The following TNRC6B variants were observed in gnomAD, a reference collection of about 807,000 sequenced individuals.
TNRC6B encodes the protein trinucleotide repeat containing adaptor 6B.
In TNRC6B, 52 loss-of-function variants were observed where a neutral mutation model predicts 203.6. The observed-to-expected ratio is 0.26, with a 90% confidence interval of 0.20 to 0.32. The LOEUF is 0.32. Ranked by LOEUF, TNRC6B falls within the 10% of genes least tolerant of loss-of-function variation. TNRC6B has a pLI of 1.00. For synonymous variants in TNRC6B, 838 were observed against 845.7 expected (o/e 0.99, Z 0.16); for missense variants, 1,923 against 2,286.2 (o/e 0.84, Z 3.24).
intron 3 of TNRC6B, among the ~76,000 whole-genome samples, chr22:40,143,580 C>T (rs2068663091): frequency 6.6e-6 from 1 of 152,196 alleles, no homozygotes; most frequent in Non-Finnish European, 1.5e-5. Flanking sequence ...AGCTCCACCT[C>T]CCGGGTTCAC....
intron 1 of TNRC6B, among the ~76,000 whole-genome samples, chr22:40,071,262 C>T (rs1317657339): frequency 6.6e-6 from 1 of 152,208 alleles, no homozygotes; most frequent in Non-Finnish European, 1.5e-5. Flanking sequence ...CTAGATACTT[C>T]CTACTCCTTG....
chr22:40,301,568 A>G, intron 15 of TNRC6B: 1 of 542,440 alleles, frequency 1.8e-6, no homozygotes, highest in Non-Finnish European at 3.2e-6. Flanking sequence ...CTGGCTCCAA[A>G]GCAGTCTTCC....
chr22:40,132,344 TGACA>T (rs1568992605), intron 3 of TNRC6B, among the ~76,000 whole-genome samples: 1 of 138,552 alleles, frequency 7.2e-6, no homozygotes. Context: ...CCAGCCTGGG[TGACA>T]GTGTGAAACT....
At chr22:40,090,624 C>A (rs1460045321) in intron 1 of TNRC6B, among the ~76,000 whole-genome samples, 1 of 152,086 alleles carries the variant, frequency 6.6e-6, no homozygotes, top group Non-Finnish European at 1.5e-5. Flanking sequence ...TTCTCCCAGT[C>A]TTTGACTTAT....
chr22:40,267,177 CT>C, intron 5 of TNRC6B, 141 bp downstream of exon 5: 1 of 861,478 alleles, frequency 1.2e-6, no homozygotes, highest in Non-Finnish European at 1.7e-6. Context: ...AACAGAACCT[CT>C]TTTTATGAAA....
At chr22:40,111,045 C>T (rs1257353859) in intron 1 of TNRC6B, among the ~76,000 whole-genome samples, 1 of 152,182 alleles carries the variant, frequency 6.6e-6, no homozygotes, top group Non-Finnish European at 1.5e-5. Context: ...AGTGTGTGTT[C>T]TGAGTGCAGT....
chr22:40,091,109 A>G (rs1569257095), intron 1 of TNRC6B, among the ~76,000 whole-genome samples: 1 of 151,906 alleles, frequency 6.6e-6, no homozygotes, highest in Non-Finnish European at 1.5e-5. Flanking sequence ...AGCCTCCTGA[A>G]TAGCTGGGAC....
intron 1 of TNRC6B, among the ~76,000 whole-genome samples, chr22:40,187,804 G>T (rs1601868948): frequency 6.6e-6 from 1 of 152,130 alleles, no homozygotes; most frequent in South Asian, 2.1e-4. Context: ...ACTAAATATG[G>T]GTGGGTTTTT....
chr22:40,236,757 T>A (rs2069953261), intron 1 of TNRC6B, among the ~76,000 whole-genome samples: 1 of 152,160 alleles, frequency 6.6e-6, no homozygotes, highest in African/African-American at 2.4e-5. Flanking sequence ...AGGTGGAGAT[T>A]AATATGTTCA....
chr22:40,172,663 T>A (rs765873239), intron 4 of TNRC6B, among the ~76,000 whole-genome samples: 2 of 152,258 alleles, frequency 1.3e-5, no homozygotes, highest in African/African-American at 2.4e-5. Flanking sequence ...TAAATTCATA[T>A]CAAGAATATG....
intron 1 of TNRC6B, among the ~76,000 whole-genome samples, chr22:40,242,300 C>T (rs1444713963): frequency 1.3e-5 from 2 of 152,086 alleles, no homozygotes; most frequent in Admixed American, 1.3e-4. Flanking sequence ...ATATTGGAAA[C>T]CATGAGTTCA....
At chr22:40,300,682 T>G in intron 13 of TNRC6B, 96 bp downstream of exon 13, 1 of 1,466,964 alleles carries the variant, frequency 6.8e-7, no homozygotes. Flanking sequence ...CCACTTTCTA[T>G]GTTCAAAGGG....
Position 40,334,558 on chromosome 22 carries a change from G to C in TNRC6B, c.*11317G>C, listed in dbSNP as rs1488061083. On this transcript the variant is annotated 3_prime_UTR_variant, in exon 23 of 23. Transcript: ENST00000454349. Reference sequence around the variant, plus strand: ...AGACAACAAAAGCAACCTGAGGAGAGGTTTCTGGACTATTTTATCTGTCTC... The same window carrying C: ...AGACAACAAAAGCAACCTGAGGAGACGTTTCTGGACTATTTTATCTGTCTC... 1 of 152,534 alleles carries C rather than the reference G, an allele frequency of 6.6e-6. No homozygotes were observed. Among genetic ancestry groups the C allele is most frequent in the African/African-American group, 2.4e-5 (1 of 41,384 alleles). 9.4% of individuals were successfully genotyped at this position (152,534 alleles called of 1,614,324 possible). A position where few individuals can be genotyped will look rare whatever the true frequency, so the allele number is the denominator to read the frequency against.
intron 1 of TNRC6B, among the ~76,000 whole-genome samples, chr22:40,082,159 A>G (rs888615369): frequency 2.0e-5 from 3 of 152,210 alleles, no homozygotes; most frequent in African/African-American, 4.8e-5. Flanking sequence ...ACTTTTGTAT[A>G]TGTTAGTAAA....
chr22:40,068,424 T>C (rs2067915942), intron 1 of TNRC6B, among the ~76,000 whole-genome samples: 2 of 152,212 alleles, frequency 1.3e-5, no homozygotes, highest in South Asian at 2.1e-4. Flanking sequence ...TTCAGGTGAT[T>C]GTCCTGCCTC....
rs2071243515 is a variant in TNRC6B at position 40,315,351 on chromosome 22, A to G, written c.4747A>G (p.Asn1583Asp). The G allele has an allele frequency of 1.2e-6, 2 of 1,613,818 alleles. No individual in the cohort carries two copies. The highest frequency in any genetic ancestry group is 1.3e-5 in the African/African-American group (1 of 74,872). Reference protein sequence around the residue: ...PIGHNPTHLSNKMWKNHISSR... With the variant: ...PIGHNPTHLSDKMWKNHISSR... The stretch of plus-strand genomic sequence containing the variant: ...AGGACACAACCCCACTCATCTCTCC[A>G]ACAAGATGTGGAAAAACCATATTTC... Residue 1583 changes from asparagine to aspartate, a missense_variant, in exon 20 of 23, where the codon AAC (asparagine) becomes GAC (aspartate). Physicochemically the swap from Asn to Asp is conservative, Grantham distance 23 (BLOSUM62 1). Coordinates refer to ENST00000454349, the MANE Select transcript of TNRC6B (RefSeq NM_001162501.2).
At position 40,186,607 on chromosome 22, in the gene TNRC6B, G is replaced by A. The variant is rs571061225; in HGVS notation, c.5+8467G>A. The stretch of plus-strand genomic sequence containing the variant: ...ACAAAAATTAGCCGGGCGTGGTGGC[G>A]GATGCCTGTAATCCCAACTACTTGG... On this transcript the variant is annotated intron_variant, in intron 1 of 22. Transcript: ENST00000454349. 1.3e-4 allele frequency among the ~76,000 whole-genome samples: 20 copies of A among 151,640 alleles called. No individual in the cohort carries two copies. In the South Asian group the frequency reaches 1.5e-3, roughly 11 times the overall value.
At chr22:40,318,989 T>C (rs1304485120) in intron 21 of TNRC6B, among the ~76,000 whole-genome samples, 1 of 152,016 alleles carries the variant, frequency 6.6e-6, no homozygotes, top group Non-Finnish European at 1.5e-5. Context: ...GGAGAATCGC[T>C]TGAACCCGGG....
At chr22:40,119,642 T>C (rs968399501) in intron 2 of TNRC6B, among the ~76,000 whole-genome samples, 6 of 152,220 alleles carry the variant, frequency 3.9e-5, no homozygotes, top group Admixed American at 2.0e-4. Flanking sequence ...TTGTGTGTTG[T>C]CTCATCATCT....
Sources: gnomAD v4.1 joint callset for allele counts (sites outside exome capture counted in the v4.1 genomes callset) on GRCh38, gnomAD v4.1.1 for gene constraint, MANE v1.5 for transcripts, NCBI Gene and HGNC (gene_info 2026-07-23, HGNC 2026-07-21) for gene names.